The following CNOT1 variants were observed in gnomAD, a reference collection of about 807,000 sequenced individuals.
CNOT1 encodes the protein CCR4-NOT transcription complex subunit 1, also known as CCR4-associated factor 1.
In CNOT1, 15 loss-of-function variants were observed where a neutral mutation model predicts 273.8. The observed-to-expected ratio is 0.05, with a 90% CI of 0.04 to 0.08. CNOT1 has a LOEUF of 0.08. Among genes scored for constraint, CNOT1 ranks in the 10% least tolerant of loss-of-function variants. The pLI, the probability that CNOT1 is intolerant of heterozygous loss-of-function variation, is 1.00. For synonymous variants in CNOT1, 1,022 were observed against 1,005.5 expected, an observed-to-expected ratio of 1.02 and a Z score of -0.31; for missense variants, 1,644 against 2,912.2, an observed-to-expected ratio of 0.56 and a Z score of 10.02.
chr16:58,535,146 A>G (rs1055380731), intron 39 of CNOT1, among the ~76,000 whole-genome samples: 6 of 152,230 alleles, frequency 3.9e-5, no homozygotes, highest in African/African-American at 1.4e-4. Context: ...CTACAGAGGA[A>G]GAACAGTTCA....
At chr16:58,536,216 G>GA (rs1056326226) in intron 39 of CNOT1, among the ~76,000 whole-genome samples, 1 of 151,838 alleles carries the variant, frequency 6.6e-6, no homozygotes, top group Non-Finnish European at 1.5e-5. Context: ...AACTCACCCT[G>GA]AAAAAAAATT....
chr16:58,540,158 C>T (rs968688401), intron 34 of CNOT1, 199 bp from the exon 35 acceptor site: 1 of 476,910 alleles, frequency 2.1e-6, no homozygotes, highest in Non-Finnish European at 3.6e-6. Context: ...ACAAGGCAGG[C>T]ATAAGGGAAG....
Position 58,545,373 on chromosome 16 carries a change from A to G in CNOT1, c.4125T>C (p.Thr1375=), listed in dbSNP as rs1567397262. 6.2e-7 allele frequency: 1 copy of G among 1,613,816 alleles called. No homozygotes were observed. Among genetic ancestry groups the G allele is most frequent in the East Asian group, 2.2e-5 (1 of 44,874 alleles). ...AGTGTTTACTTACTGTTGGATTCAGAGTAATGTGTGGTGCCAAGCCCGCAA... is the reference window on the plus strand; with the variant it reads ...AGTGTTTACTTACTGTTGGATTCAGGGTAATGTGTGGTGCCAAGCCCGCAA... ...YSLAGLAPHI[T]LNPTIPLFQA... Residue 1375 remains threonine (T), a synonymous_variant, in exon 30 of 49, where the codon ACT becomes ACC. Transcript: ENST00000317147.
chr16:58,579,471 T>C lies in CNOT1; in HGVS notation c.1344-532A>G, dbSNP rs1401933724. Among the ~76,000 whole-genome samples the C allele has an allele frequency of 3.3e-5, 5 of 152,214 alleles. No individual in the cohort carries two copies. In the South Asian group the frequency reaches 1.0e-3, roughly 32 times the overall value. On this transcript the variant is annotated intron_variant, in intron 12 of 48. Coordinates refer to ENST00000317147, the MANE Select transcript of CNOT1 (RefSeq NM_016284.5). ...TAATGGTATTTAAGCTTTATAAAAA[T>C]GGAAAGAGCCCTTTATCTGTTCAAA...
At chr16:58,596,782 G>A (rs969142137) in intron 2 of CNOT1, among the ~76,000 whole-genome samples, 6 of 150,484 alleles carry the variant, frequency 4.0e-5, no homozygotes, top group Admixed American at 2.0e-4. Flanking sequence ...CAGCTACTCG[G>A]GAGGCTGAGG....
intron 14 of CNOT1, among the ~76,000 whole-genome samples, chr16:58,576,189 C>A (rs2041452796): frequency 6.6e-6 from 1 of 152,026 alleles, no homozygotes; most frequent in Non-Finnish European, 1.5e-5. Flanking sequence ...TGGCTCACCA[C>A]AACCTCCGCC....
chr16:58,555,987 T>TA, intron 19 of CNOT1, 79 bp from the exon 20 acceptor site: 1 of 1,565,440 alleles, frequency 6.4e-7, no homozygotes, highest in Non-Finnish European at 8.6e-7. Flanking sequence ...AGCCAGAGAC[T>TA]ATTATAGCTC....
rs1359951225 is a variant in CNOT1 at position 58,534,245 on chromosome 16, A to G, written c.5797T>C (p.Tyr1933His). The change falls in exon 40 of 49, where the codon TAT becomes CAT. Residue 1933 changes from tyrosine (Y) to histidine (H), a missense_variant. By Grantham distance (83) the Tyr-to-His change is moderately conservative (BLOSUM62 2). Around this residue, in one of 13 missense-constraint regions of CNOT1, gnomAD observed 133 missense variants for 328.2 expected, o/e 0.41. Coordinates refer to ENST00000317147, the MANE Select transcript of CNOT1 (RefSeq NM_016284.5). ...CGAACAAAGGCATCCAGGTTGTGAT[A>G]GCACTTGGCTCGGATCATGGTGGGA... ...ANPTMIRAKCYHNLDAFVRLI... is the reference protein window; with the variant it reads ...ANPTMIRAKCHHNLDAFVRLI... 2.5e-6 allele frequency: 4 copies of G among 1,614,174 alleles called. No homozygotes were observed. The highest frequency in any genetic ancestry group is 1.3e-5 in the African/African-American group (1 of 75,048).
chr16:58,573,377 C>A (rs1290154294), intron 16 of CNOT1, among the ~76,000 whole-genome samples: 2 of 151,448 alleles, frequency 1.3e-5, no homozygotes, highest in Non-Finnish European at 2.9e-5. Context: ...ATCCCAGATT[C>A]ACGGATTAAA....
At chr16:58,587,106 TCTTA>T in intron 6 of CNOT1, 91 bp downstream of exon 6, 1 of 1,467,418 alleles carries the variant, frequency 6.8e-7, no homozygotes, top group Non-Finnish European at 9.2e-7. Context: ...TTTCAGATTA[TCTTA>T]CTCTCTAAGT....
In CNOT1 at chr16:58,549,809, G is replaced by C. The variant is rs747499857; in HGVS notation, c.3432C>G (p.Asn1144Lys). ...LVMKRVSIEP[N>K]FHSLYSNFLD... is the part of the protein sequence containing the mutation. Reference sequence around the variant, plus strand: ...GGAAGTTTGAATACAGGCTATGAAAGTTTGGCTCAATACTGACTCTCTTCA... The same window carrying C: ...GGAAGTTTGAATACAGGCTATGAAACTTTGGCTCAATACTGACTCTCTTCA... Residue 1144 changes from asparagine to lysine, a missense_variant, in exon 25 of 49, where the codon AAC becomes AAG. Asn to Lys is a moderately conservative substitution (Grantham distance 94, BLOSUM62 0). Around this residue, in one of 13 missense-constraint regions of CNOT1, gnomAD observed 124 missense variants for 289.3 expected, o/e 0.43. Transcript: ENST00000317147. 6.2e-7 allele frequency: 1 copy of C among 1,614,018 alleles called. No individual in the cohort carries two copies. The highest frequency in any genetic ancestry group is 8.5e-7 in the Non-Finnish European group (1 of 1,179,986).
rs751162291 is a variant in CNOT1 at position 58,555,334 on chromosome 16, T to A, written c.2808A>T (p.Arg936=). ...GCTTGCGTAAGGCTTCAAGAACATATCGTAGAGCCAGACCTAGTGCCATGT... is the reference window on the plus strand; with the variant it reads ...GCTTGCGTAAGGCTTCAAGAACATAACGTAGAGCCAGACCTAGTGCCATGT... ...VTYMALGLAL[R]YVLEALRKPF... is the part of the protein sequence containing the mutation. The change falls in exon 21 of 49, where the codon CGA becomes CGT. Residue 936 remains arginine, a synonymous_variant. Transcript: ENST00000317147. The A allele has an allele frequency of 1.9e-6, 3 of 1,614,160 alleles. No homozygotes were observed. Among genetic ancestry groups the A allele is most frequent in the Non-Finnish European group, 2.5e-6 (3 of 1,180,026 alleles).
intron 43 of CNOT1, 81 bp from the exon 44 acceptor site, chr16:58,528,729 C>A: frequency 4.3e-6 from 4 of 925,498 alleles, no homozygotes; most frequent in East Asian, 2.6e-5. Context: ...AAGCCCCCCA[C>A]CCCCCTCAAA....
intron 3 of CNOT1, 77 bp from the exon 4 acceptor site, chr16:58,587,955 T>C (rs1490995232): frequency 1.0e-5 from 14 of 1,389,566 alleles, no homozygotes; most frequent in Non-Finnish European, 1.4e-5. Context: ...ACTCAGAACA[T>C]TAAAATGTGA....
chr16:58,544,963 A>G (rs2040210037), intron 30 of CNOT1, among the ~76,000 whole-genome samples: 1 of 152,216 alleles, frequency 6.6e-6, no homozygotes, highest in African/African-American at 2.4e-5. Flanking sequence ...ATACACACCC[A>G]CAATCAGCTC....
At position 58,579,054 on chromosome 16, in the gene CNOT1, A is replaced by G. The variant is rs1567419217; in HGVS notation, c.1344-115T>C. 1.4e-5 allele frequency: 21 copies of G among 1,469,978 alleles called. 1 individual carries two copies. In the South Asian group the frequency reaches 2.9e-4, roughly 20 times the overall value. The allele number at this position is 1,469,978 out of a possible 1,614,324, so 91.1% of individuals were successfully genotyped here. A position where few individuals can be genotyped will look rare whatever the true frequency, so the allele number is the denominator to read the frequency against. On this transcript the variant is annotated intron_variant, in intron 12 of 48. Transcript: ENST00000317147. ...AAAACCAAGTTGGTGTCATGTTTTA[A>G]TATTAGAAGTTTGAAGTCCACAGCA...
chr16:58,550,475 T>C (rs188377008), intron 24 of CNOT1, among the ~76,000 whole-genome samples: 5 of 152,338 alleles, frequency 3.3e-5, no homozygotes, highest in Admixed American at 6.5e-5. Context: ...TAACAGATGG[T>C]AAATATATCT....
At chr16:58,531,596 AAAC>A (rs1444070497) in intron 42 of CNOT1, among the ~76,000 whole-genome samples, 1 of 152,210 alleles carries the variant, frequency 6.6e-6, no homozygotes, top group Non-Finnish European at 1.5e-5. Flanking sequence ...TCAACTTTAA[AAAC>A]AACACCCCTA....
intron 1 of CNOT1, among the ~76,000 whole-genome samples, chr16:58,607,744 AAAG>A (rs555361081): frequency 0.18 from 25,269 of 142,252 alleles, 2,483 homozygotes; most frequent in East Asian, 0.28. Flanking sequence ...AAAAAGAAAG[AAAG>A]AAAGAAAAGG....
Sources: gnomAD v4.1 joint callset for allele counts (sites outside exome capture counted in the v4.1 genomes callset) on GRCh38, gnomAD v4.1.1 for gene constraint, gnomAD v4.1.1 regional missense constraint, MANE v1.5 for transcripts, NCBI Gene and HGNC (gene_info 2026-07-23, HGNC 2026-07-21) for gene names.